NDST4: variants seen among roughly 807,000 people sequenced by gnomAD.
NDST4 encodes N-heparan sulfate sulfotransferase 4.
A neutral mutation model predicts 100.8 loss-of-function variants in NDST4; 63 were observed. The observed-to-expected ratio is 0.62, with a 90% CI of 0.51 to 0.77. The LOEUF (loss-of-function observed/expected upper bound fraction) is 0.77, where lower values mean the gene tolerates loss of function less well. Ranked by LOEUF, NDST4 falls within the 30% of genes least tolerant of loss-of-function variation. The pLI, the probability that NDST4 is intolerant of heterozygous loss-of-function variation, is 0.00. For missense variants in NDST4, 943 were observed against 1,018.4 expected (o/e 0.93, Z 1.01); for synonymous variants, 377 against 361.8 (o/e 1.04, Z -0.48).
intron 3 of NDST4, 97 bp downstream of exon 3, chr4:114,977,089 TA>T: frequency 1.4e-6 from 1 of 730,510 alleles, no homozygotes. Context: ...GTTTTTCCCA[TA>T]ATCAATCTGG....
At chr4:114,904,674 CAG>C (rs1014366506) in intron 6 of NDST4, among the ~76,000 whole-genome samples, 12 of 151,584 alleles carry the variant, frequency 7.9e-5, no homozygotes, top group African/African-American at 2.9e-4. Context: ...AAATATTTGA[CAG>C]AAAGAATGTT....
chr4:114,969,194 G>A (rs1248962155), intron 4 of NDST4, among the ~76,000 whole-genome samples: 1 of 150,670 alleles, frequency 6.6e-6, no homozygotes, highest in Admixed American at 6.6e-5. Flanking sequence ...GGCGCCTGTA[G>A]TCCCAGCTAC....
chr4:114,845,571 G>C (rs1303035785), intron 10 of NDST4, among the ~76,000 whole-genome samples: 1 of 152,012 alleles, frequency 6.6e-6, no homozygotes. Flanking sequence ...TGTTTATATA[G>C]CTTAGGAAAT....
At chr4:114,883,696 T>C (rs1310272922) in intron 6 of NDST4, among the ~76,000 whole-genome samples, 2 of 152,098 alleles carry the variant, frequency 1.3e-5, no homozygotes, top group Admixed American at 6.6e-5. Flanking sequence ...CCCCAACTTT[T>C]TTGACACCAA....
At chr4:115,022,826 A>G (rs568832832) in intron 2 of NDST4, among the ~76,000 whole-genome samples, 1 of 152,176 alleles carries the variant, frequency 6.6e-6, no homozygotes, top group South Asian at 2.1e-4. Context: ...TTCCCTGCAC[A>G]AGCTCTCTTT....
intron 3 of NDST4, among the ~76,000 whole-genome samples, chr4:114,970,910 G>A (rs9993907): frequency 6.6e-6 from 1 of 151,692 alleles, no homozygotes; most frequent in Non-Finnish European, 1.5e-5. Flanking sequence ...TAAATGTTAA[G>A]GGTAATTCTC....
intron 6 of NDST4, among the ~76,000 whole-genome samples, chr4:114,929,042 G>GTCCGTCCA (rs2126222329): frequency 1.3e-5 from 1 of 75,184 alleles, no homozygotes; most frequent in African/African-American, 3.7e-5. Context: ...CTGTCTGTCT[G>GTCCGTCCA]TCCGTCCGTC....
At chr4:114,922,306 C>T (rs1489588018) in intron 6 of NDST4, among the ~76,000 whole-genome samples, 1 of 152,142 alleles carries the variant, frequency 6.6e-6, no homozygotes, top group Non-Finnish European at 1.5e-5. Flanking sequence ...AAACACTTGA[C>T]TGGTAAGGCA....
intron 12 of NDST4, among the ~76,000 whole-genome samples, chr4:114,831,329 G>A (rs902581306): frequency 6.6e-6 from 1 of 152,082 alleles, no homozygotes; most frequent in Non-Finnish European, 1.5e-5. Flanking sequence ...TGGGATTACA[G>A]GCGTGAGCCA....
intron 3 of NDST4, among the ~76,000 whole-genome samples, chr4:114,976,588 T>A (rs1264070167): frequency 1.3e-5 from 2 of 151,920 alleles, no homozygotes; most frequent in African/African-American, 4.8e-5. Context: ...AGACTGAACA[T>A]AAGTACAATT....
intron 1 of NDST4, among the ~76,000 whole-genome samples, chr4:115,109,305 AG>A (rs1171318688): frequency 2.0e-5 from 3 of 151,940 alleles, no homozygotes; most frequent in African/African-American, 7.2e-5. Context: ...CATTCCATTA[AG>A]GACTTTTTAA....
At chr4:115,100,796 G>A (rs1729714574) in intron 1 of NDST4, among the ~76,000 whole-genome samples, 1 of 106,536 alleles carries the variant, frequency 9.4e-6, no homozygotes, top group African/African-American at 4.2e-5. Flanking sequence ...TCTGACAAAT[G>A]CTTCACTCCT....
intron 1 of NDST4, among the ~76,000 whole-genome samples, chr4:115,088,631 C>A (rs1729453686): frequency 6.6e-6 from 1 of 151,820 alleles, no homozygotes; most frequent in African/African-American, 2.4e-5. Context: ...TTTTCTGTCA[C>A]TCTCACCCCC....
At chr4:114,891,265 C>T (rs1724590873) in intron 6 of NDST4, among the ~76,000 whole-genome samples, 1 of 151,918 alleles carries the variant, frequency 6.6e-6, no homozygotes, top group African/African-American at 2.4e-5. Context: ...TATACAATAT[C>T]CTCTTCTAAT....
intron 12 of NDST4, among the ~76,000 whole-genome samples, chr4:114,832,452 G>A (rs1425954529): frequency 1.3e-5 from 2 of 152,122 alleles, no homozygotes; most frequent in Non-Finnish European, 2.9e-5. Context: ...TTGTGGGAGA[G>A]GCTTTTATGA....
chr4:115,004,471 A>C (rs1295052137), intron 2 of NDST4, among the ~76,000 whole-genome samples: 1 of 152,168 alleles, frequency 6.6e-6, no homozygotes, highest in Non-Finnish European at 1.5e-5. Flanking sequence ...TTATTTCCCA[A>C]GTCTTAAGCT....
At chr4:114,926,154 T>C (rs1049608481) in intron 6 of NDST4, among the ~76,000 whole-genome samples, 1 of 152,052 alleles carries the variant, frequency 6.6e-6, no homozygotes, top group Admixed American at 6.5e-5. Flanking sequence ...TTGACAAGTG[T>C]GGAACAGTGC....
At chr4:114,883,499 A>C (rs144855489) in intron 6 of NDST4, among the ~76,000 whole-genome samples, 1 of 152,156 alleles carries the variant, frequency 6.6e-6, no homozygotes, top group Non-Finnish European at 1.5e-5. Context: ...AATTCTATGC[A>C]ATGTTCAATT....
chr4:114,942,780 A>G (rs1725777647), intron 4 of NDST4, among the ~76,000 whole-genome samples: 1 of 151,942 alleles, frequency 6.6e-6, no homozygotes, highest in South Asian at 2.1e-4. Flanking sequence ...TGCTTCCAAG[A>G]ATGATTTTTC....
Sources: gnomAD v4.1 joint callset for allele counts (sites outside exome capture counted in the v4.1 genomes callset) on GRCh38, gnomAD v4.1.1 for gene constraint, MANE v1.5 for transcripts, NCBI Gene and HGNC (gene_info 2026-07-23, HGNC 2026-07-21) for gene names.